The following SSBP4 variants were observed in gnomAD, a reference collection of about 807,000 sequenced individuals.
The protein encoded by SSBP4 is single stranded DNA binding protein 4.
A neutral mutation model predicts 64.6 loss-of-function variants in SSBP4; 33 were observed. The ratio of observed to expected loss-of-function variants is 0.51; its 90% CI spans 0.39 to 0.68. SSBP4 has a LOEUF of 0.68. Ranked by LOEUF, SSBP4 falls within the 30% of genes least tolerant of loss-of-function variation. SSBP4 has a pLI of 0.00. For missense variants in SSBP4, 583 were observed against 566.8 expected, an observed-to-expected ratio of 1.03 and a Z score of -0.29; for synonymous variants, 243 against 224.0, an observed-to-expected ratio of 1.08 and a Z score of -0.76.
Position 18,430,909 on chromosome 19 carries a change from C to T in SSBP4, c.348C>T (p.Ser116=). 6.2e-7 allele frequency: 1 copy of T among 1,612,988 alleles called. No homozygotes were observed. The highest frequency in any genetic ancestry group is 8.5e-7 in the Non-Finnish European group (1 of 1,179,884). The change falls in exon 5 of 18, where the codon TCC becomes TCT. Residue 116 remains serine (S), a synonymous_variant. Transcript: ENST00000270061. ...MAPGDTMAAG[S]MAAGFFQGPP... is the part of the protein sequence containing the mutation. ...CAGGTGACACAATGGCCGCAGGCTC[C>T]ATGGCGGCTGGCTTCTTCCAGGTAT...
upstream of SSBP4, among the ~76,000 whole-genome samples, chr19:18,416,350 C>T (rs1309135540): frequency 6.6e-6 from 1 of 152,118 alleles, no homozygotes; most frequent in Non-Finnish European, 1.5e-5. Flanking sequence ...CTTGGTCTGT[C>T]GTCCAGGCTG....
chr19:18,414,110 C>T (rs1346535805), upstream of SSBP4, among the ~76,000 whole-genome samples: 1 of 152,174 alleles, frequency 6.6e-6, no homozygotes, highest in Non-Finnish European at 1.5e-5. Flanking sequence ...AGTGCAGCCA[C>T]GTGGTTAGGC....
At chr19:18,433,392 C>T (rs1028464949) in intron 15 of SSBP4, 179 bp downstream of exon 15, 2 of 1,268,954 alleles carry the variant, frequency 1.6e-6, no homozygotes, top group Non-Finnish European at 2.2e-6. Flanking sequence ...GCGACCAAAC[C>T]AGAGGATGCA....
In SSBP4 at chr19:18,431,407, C is replaced by G; in HGVS notation, c.424C>G (p.Pro142Ala). 6.6e-7 allele frequency: 1 copy of G among 1,504,274 alleles called. No homozygotes were observed. The highest frequency in any genetic ancestry group is 9.0e-7 in the Non-Finnish European group (1 of 1,115,734). 93.2% of individuals were successfully genotyped at this position (1,504,274 alleles called of 1,614,324 possible). A position where few individuals can be genotyped will look rare whatever the true frequency, so the allele number is the denominator to read the frequency against. ...CAACCCCAACGCCCCCATGATGGGG[C>G]CTCACGGTCAGGTAAGGAGCTGTGG... ...PHNPNAPMMG[P>A]HGQPFMSPRF... Residue 142 changes from proline (P) to alanine (A), a missense_variant, in exon 6 of 18, where the codon CCT becomes GCT. This residue lies in a region of SSBP4 where 444 missense variants were observed against 386.6 expected (regional missense o/e 1.15). Transcript: ENST00000270061.
rs910765250 is a variant in SSBP4 at position 18,426,523 on chromosome 19, C to T, written c.60-828C>T. On this transcript the variant is annotated intron_variant, in intron 1 of 17. Transcript: ENST00000270061. The surrounding 1 kb of genome is among the most constrained non-coding windows in gnomAD (Gnocchi z 4.5). Reference sequence around the variant, plus strand: ...CTTTGGATAGGGGGTTTGTCCTCTGCTCTCTGGTGTGGCAGCTGGACTGGA... The same window carrying T: ...CTTTGGATAGGGGGTTTGTCCTCTGTTCTCTGGTGTGGCAGCTGGACTGGA... 6.6e-6 allele frequency among the ~76,000 whole-genome samples: 1 copy of T among 152,198 alleles called. No homozygotes were observed. Among genetic ancestry groups the T allele is most frequent in the African/African-American group, 2.4e-5 (1 of 41,448 alleles).
At chr19:18,414,032 CAAAA>C (rs530358060), upstream of SSBP4, among the ~76,000 whole-genome samples, 1 of 151,158 alleles carries the variant, frequency 6.6e-6, no homozygotes, top group African/African-American at 2.4e-5. Context: ...AACAAACAAA[CAAAA>C]AAAACGGCAT....
At chr19:18,420,832 C>T (rs1476717318) in intron 1 of SSBP4, among the ~76,000 whole-genome samples, 1 of 149,550 alleles carries the variant, frequency 6.7e-6, no homozygotes, top group Non-Finnish European at 1.5e-5. Flanking sequence ...AGCCTGGCGA[C>T]AGAGCCAGAT....
rs917479817 is a variant in SSBP4 at position 18,419,422 on chromosome 19, G to A, written c.-227G>A. The A allele has an allele frequency of 8.6e-6, 9 of 1,042,470 alleles. No homozygotes were observed. In the Admixed American group the frequency reaches 3.9e-4, roughly 45 times the overall value. The allele number at this position is 1,042,470 out of a possible 1,614,324, so 64.6% of individuals were successfully genotyped here. A position where few individuals can be genotyped will look rare whatever the true frequency, so the allele number is the denominator to read the frequency against. ...CGTTTCCCGGAACAGCCCGCGCGGA[G>A]GAAAGGGAGGAAAAAAAGCCACCCT... On this transcript the variant is annotated 5_prime_UTR_variant, in exon 1 of 18. Coordinates refer to ENST00000270061, the MANE Select transcript of SSBP4 (RefSeq NM_032627.5).
intron 4 of SSBP4, among the ~76,000 whole-genome samples, chr19:18,428,395 G>A (rs1973027827): frequency 6.6e-6 from 1 of 152,182 alleles, no homozygotes; most frequent in African/African-American, 2.4e-5. Context: ...AGCACAGGTC[G>A]GGGTGCCTGA....
intron 15 of SSBP4, 34 bp from the exon 16 acceptor site, chr19:18,433,551 C>T (rs1243647853): frequency 6.5e-7 from 1 of 1,546,422 alleles, no homozygotes; most frequent in Non-Finnish European, 8.7e-7. Flanking sequence ...GCCAGCACGT[C>T]TGAGCCGGTG....
the SSBP4 span, among the ~76,000 whole-genome samples, chr19:18,402,937 T>C: frequency 6.6e-6 from 1 of 152,144 alleles, no homozygotes; most frequent in African/African-American, 2.4e-5. Flanking sequence ...CCTCTTGCAG[T>C]TGAGCTAAGA....
chr19:18,427,545 C>G lies in SSBP4; in HGVS notation c.132+122C>G, dbSNP rs902177108. ...CTCTGATGGCCCTGGGAACTGAGGG[C>G]TCTGCAGGGTCCAGGCCCTGGGCTA... On this transcript the variant is annotated intron_variant, in intron 2 of 17. Coordinates refer to ENST00000270061, the MANE Select transcript of SSBP4 (RefSeq NM_032627.5). This position sits in a 1 kb window ranked among gnomAD's most constrained non-coding sequence, Gnocchi z 4.4. 1 of 1,324,542 alleles carries G rather than the reference C, an allele frequency of 7.5e-7. No homozygotes were observed. Among genetic ancestry groups the G allele is most frequent in the Admixed American group, 2.1e-5 (1 of 47,966 alleles). The allele number at this position is 1,324,542 out of a possible 1,614,324, so 82.0% of individuals were successfully genotyped here. A position where few individuals can be genotyped will look rare whatever the true frequency, so the allele number is the denominator to read the frequency against.
chr19:18,417,417 CTG>C (rs1329929776), upstream of SSBP4, among the ~76,000 whole-genome samples: 3 of 152,320 alleles, frequency 2.0e-5, no homozygotes, highest in South Asian at 4.1e-4. The surrounding 1 kb of genome is among the most constrained non-coding windows in gnomAD (Gnocchi z 5.4). Flanking sequence ...GGAGATTAAA[CTG>C]GGGGTGGCAG....
chr19:18,408,365 C>A, the SSBP4 span, among the ~76,000 whole-genome samples: 2 of 152,184 alleles, frequency 1.3e-5, no homozygotes, highest in African/African-American at 4.8e-5. Context: ...CCACGTTGAA[C>A]CTGCTCGCTG....
At chr19:18,431,953 T>C (rs1439793354) in intron 8 of SSBP4, 47 bp from the exon 9 acceptor site, 1 of 1,556,038 alleles carries the variant, frequency 6.4e-7, no homozygotes, top group Non-Finnish European at 8.7e-7. Context: ...CTGTCCACAC[T>C]GGGGAATGGT....
In SSBP4 at chr19:18,424,729, C is replaced by T. The variant is rs76275540; in HGVS notation, c.60-2622C>T. Among the ~76,000 whole-genome samples the T allele has an allele frequency of 1.1e-4, 16 of 152,034 alleles. No homozygotes were observed. In the East Asian group the frequency reaches 2.7e-3, roughly 26 times the overall value. On this transcript the variant is annotated intron_variant, in intron 1 of 17. Coordinates refer to ENST00000270061, the MANE Select transcript of SSBP4 (RefSeq NM_032627.5). ...CCCAAGTCAGGAAAGAGATTTCCTT[C>T]GGTGTTTTTTTAAACGCAGTGATGT...
chr19:18,408,496 AT>A, the SSBP4 span, among the ~76,000 whole-genome samples: 85 of 144,484 alleles, frequency 5.9e-4, 1 homozygote, highest in Middle Eastern at 3.6e-3. Context: ...CAAGCCACCA[AT>A]TTTTTTTTTT....
At chr19:18,416,855 C>T (rs990825671), upstream of SSBP4, among the ~76,000 whole-genome samples, 4 of 152,256 alleles carry the variant, frequency 2.6e-5, no homozygotes, top group African/African-American at 7.2e-5. Flanking sequence ...GTTCTGCCCC[C>T]GCAAGGCGTG....
At chr19:18,408,995 T>C in the SSBP4 span, among the ~76,000 whole-genome samples, 1 of 151,912 alleles carries the variant, frequency 6.6e-6, no homozygotes, top group Admixed American at 6.6e-5. Context: ...TGATTTTTTG[T>C]AGAGATGAGG....
Sources: allele counts gnomAD v4.1 joint callset (sites outside exome capture counted in the v4.1 genomes callset), GRCh38; gene constraint gnomAD v4.1.1; regional missense constraint gnomAD v4.1.1; non-coding constraint Gnocchi (gnomAD v3.1); transcripts MANE v1.5; gene names NCBI Gene and HGNC (gene_info 2026-07-23, HGNC 2026-07-21).